IQSEC1: variants seen among roughly 807,000 people sequenced by gnomAD.
IQSEC1 encodes the protein IQ motif and SEC7 domain-containing protein 1.
In IQSEC1, 31 loss-of-function variants were observed where a neutral mutation model predicts 91.0. The observed-to-expected ratio is 0.34, with a 90% CI of 0.26 to 0.46. The LOEUF is 0.46. Among genes scored for constraint, IQSEC1 ranks in the 20% least tolerant of loss-of-function variants. IQSEC1 has a pLI of 1.00. For synonymous variants in IQSEC1, 699 were observed against 662.6 expected (o/e 1.05, Z -0.84); for missense variants, 1,388 against 1,575.6 (o/e 0.88, Z 2.02).
Position 12,958,113 on chromosome 3 carries a change from C to G in IQSEC1, c.24-16248G>C, listed in dbSNP as rs138944026. On this transcript the variant is annotated intron_variant, in intron 1 of 13. Transcript: ENST00000613206. ...TGTTCTTACCTCTGTGGGGCCAGCC[C>G]ACCACCCTATCTAACCATCGAGCTC... Among the ~76,000 whole-genome samples the G allele has an allele frequency of 2.8e-3, 427 of 152,298 alleles. 3 individuals carry two copies. Among genetic ancestry groups the G allele is most frequent in the South Asian group, 0.019 (93 of 4,828 alleles).
chr3:12,902,461 A>ATG (rs1694427916), intron 13 of IQSEC1, among the ~76,000 whole-genome samples: 1 of 151,968 alleles, frequency 6.6e-6, no homozygotes, highest in African/African-American at 2.4e-5. Flanking sequence ...ACCACAGGTG[A>ATG]TGGGGTTAAG....
At chr3:13,033,371 C>G (rs898688681) in intron 1 of IQSEC1, among the ~76,000 whole-genome samples, 2 of 152,198 alleles carry the variant, frequency 1.3e-5, no homozygotes, top group African/African-American at 4.8e-5. Flanking sequence ...CCTCACAGTT[C>G]TGGAGGCTGG....
rs770674225 is a variant in IQSEC1, at chr3:12,941,595, G to A, written c.294C>T (p.Leu98=). 19 of 1,595,908 alleles carry A rather than the reference G, an allele frequency of 1.2e-5. No individual in the cohort carries two copies. Among genetic ancestry groups the A allele is most frequent in the South Asian group, 5.6e-5 (5 of 89,438 alleles). ...CCTGCTTGTCCTGCAGGTCCGAGGA[G>A]AGCTCATAGCTCTCGGAGAGTGAGC... ...RSRSLSESYE[L]SSDLQDKQVE... Residue 98 remains leucine (L), a synonymous_variant, in exon 2 of 14, where the codon CTC becomes CTT. Transcript: ENST00000613206.
intron 2 of IQSEC1, among the ~76,000 whole-genome samples, chr3:13,129,707 G>A (rs892991658): frequency 7.0e-6 from 1 of 142,390 alleles, no homozygotes; most frequent in African/African-American, 2.7e-5. Flanking sequence ...GCCCAGGCTG[G>A]AGTGCAGTGA....
At chr3:13,053,479 T>C (rs1467169052) in intron 1 of IQSEC1, among the ~76,000 whole-genome samples, 1 of 152,254 alleles carries the variant, frequency 6.6e-6, no homozygotes, top group Non-Finnish European at 1.5e-5. Context: ...AAGGCAGCTC[T>C]GAGCTGTCTC....
rs569513375 is a variant in IQSEC1, at chr3:12,900,922, C to T, written c.*61G>A. On this transcript the variant is annotated 3_prime_UTR_variant, in exon 14 of 14. Transcript: ENST00000613206. The stretch of plus-strand genomic sequence containing the variant: ...GGTTTGGTGTGCGGCTGGCGACCCC[C>T]GGGCGTGCCCTGTGTGGTGTGCAGG... 800 of 1,536,828 alleles carry T rather than the reference C, an allele frequency of 5.2e-4. 5 individuals are homozygous for T. The African/African-American group carries it at 9.7e-3, about 19-fold the overall frequency.
chr3:13,104,556 C>T (rs1158599595), intron 2 of IQSEC1, among the ~76,000 whole-genome samples: 2 of 152,164 alleles, frequency 1.3e-5, no homozygotes, highest in Non-Finnish European at 1.5e-5. Context: ...GGAACAGGGA[C>T]CACCTGGGTG....
At position 12,935,992 on chromosome 3, in the gene IQSEC1, C is replaced by G; in HGVS notation, c.1024G>C (p.Asp342His). 2 of 1,599,946 alleles carry G rather than the reference C, an allele frequency of 1.3e-6. No individual in the cohort carries two copies. The highest frequency in any genetic ancestry group is 1.7e-6 in the Non-Finnish European group (2 of 1,179,724). ...LAHKEDKADT[D>H]TSCRSTPSLE... ...GACGGCGTGCTCCGGCAGCTCGTGT[C>G]CGTGTCAGCCTTGTCCTCTTTGTGG... is the stretch of plus-strand genomic sequence containing the variant. Residue 342 changes from aspartate to histidine, a missense_variant, in exon 3 of 14, where the codon GAC becomes CAC. Asp to His is a moderately conservative substitution (Grantham distance 81, BLOSUM62 -1). Around this residue, in one of 2 missense-constraint regions of IQSEC1, gnomAD observed 1,059 missense variants for 1,317.8 expected, o/e 0.80. Coordinates refer to ENST00000613206, the MANE Select transcript of IQSEC1 (RefSeq NM_001134382.3). This position sits in a 1 kb window ranked among gnomAD's most constrained non-coding sequence, Gnocchi z 8.0.
Position 12,936,376 on chromosome 3 carries a change from G to A in IQSEC1, c.640C>T (p.Pro214Ser). 6.3e-7 allele frequency: 1 copy of A among 1,598,658 alleles called. No individual in the cohort carries two copies. The highest frequency in any genetic ancestry group is 8.5e-7 in the Non-Finnish European group (1 of 1,170,140). The change falls in exon 3 of 14, where the codon CCC becomes TCC. Residue 214 changes from proline to serine, a missense_variant. Physicochemically the swap from Pro to Ser is moderately conservative, Grantham distance 74. Around this residue, in one of 2 missense-constraint regions of IQSEC1, gnomAD observed 1,059 missense variants for 1,317.8 expected, o/e 0.80. Transcript: ENST00000613206. ...SEPTTLKSPA[P>S]SSDFADAITE... ...ATGGCGTCCGCAAAGTCACTGGAGGGGGCCGGAGACTTGAGGGTGGTGGGC... is the reference window on the plus strand; with the variant it reads ...ATGGCGTCCGCAAAGTCACTGGAGGAGGCCGGAGACTTGAGGGTGGTGGGC...
intron 1 of IQSEC1, among the ~76,000 whole-genome samples, chr3:13,039,126 G>T (rs969642007): frequency 6.6e-6 from 1 of 152,198 alleles, no homozygotes; most frequent in Non-Finnish European, 1.5e-5. Flanking sequence ...CCCTGAGGTC[G>T]GCTGGGCTCT....
chr3:13,073,082 A>G lies in IQSEC1; in HGVS notation c.-68T>C. ...CGGGGAGGCTCAACGTGTTTCCAAG[A>G]GGAGCAGGCGGCTCAGGCAAGAAGT... On this transcript the variant is annotated 5_prime_UTR_variant, in exon 1 of 14. Coordinates refer to ENST00000613206, the MANE Select transcript of IQSEC1 (RefSeq NM_001134382.3). 6.5e-7 allele frequency: 1 copy of G among 1,540,262 alleles called. No individual in the cohort carries two copies. Among genetic ancestry groups the G allele is most frequent in the Non-Finnish European group, 8.8e-7 (1 of 1,137,964 alleles).
intron 1 of IQSEC1, among the ~76,000 whole-genome samples, chr3:12,953,798 G>C (rs1429910206): frequency 6.6e-6 from 1 of 152,166 alleles, no homozygotes; most frequent in African/African-American, 2.4e-5. Flanking sequence ...TAACATTATG[G>C]GCTAGAGTCC....
At chr3:13,007,330 C>T (rs573434447) in intron 1 of IQSEC1, among the ~76,000 whole-genome samples, 1 of 152,340 alleles carries the variant, frequency 6.6e-6, no homozygotes, top group East Asian at 1.9e-4. Flanking sequence ...ACTGGCCTGT[C>T]GGCCGTTCTA....
At chr3:12,949,720 T>G (rs1699411875) in intron 1 of IQSEC1, among the ~76,000 whole-genome samples, 1 of 150,002 alleles carries the variant, frequency 6.7e-6, no homozygotes. Flanking sequence ...TTCACCTCTA[T>G]GCCCCCGTCT....
At chr3:13,027,855 C>T (rs1221133103) in intron 1 of IQSEC1, among the ~76,000 whole-genome samples, 2 of 152,184 alleles carry the variant, frequency 1.3e-5, no homozygotes, top group Non-Finnish European at 2.9e-5. Flanking sequence ...ATCAGAAATC[C>T]AGGTTTTTAC....
intron 1 of IQSEC1, among the ~76,000 whole-genome samples, chr3:13,239,836 T>C (rs572577604): frequency 6.6e-6 from 1 of 152,292 alleles, no homozygotes; most frequent in African/African-American, 2.4e-5. Context: ...AGCCAGATGC[T>C]TGGAGACCAG....
intron 1 of IQSEC1, among the ~76,000 whole-genome samples, chr3:13,236,150 G>T (rs1694925020): frequency 6.6e-6 from 1 of 152,048 alleles, no homozygotes; most frequent in Non-Finnish European, 1.5e-5. Flanking sequence ...GAAGTTCAAG[G>T]GCAAGAGACT....
chr3:13,062,304 G>A (rs1030549361), intron 1 of IQSEC1, among the ~76,000 whole-genome samples: 2 of 152,124 alleles, frequency 1.3e-5, no homozygotes, highest in Non-Finnish European at 2.9e-5. Context: ...GAAGGGGACA[G>A]GAATAATCTC....
intron 1 of IQSEC1, among the ~76,000 whole-genome samples, chr3:13,260,383 A>T (rs547708715): frequency 6.6e-6 from 1 of 152,188 alleles, no homozygotes; most frequent in Non-Finnish European, 1.5e-5. Context: ...ACGCAGATCA[A>T]TACACGACGG....
Sources: allele counts gnomAD v4.1 joint callset (sites outside exome capture counted in the v4.1 genomes callset), GRCh38; gene constraint gnomAD v4.1.1; regional missense constraint gnomAD v4.1.1; non-coding constraint Gnocchi (gnomAD v3.1); transcripts MANE v1.5; gene names NCBI Gene and HGNC (gene_info 2026-07-23, HGNC 2026-07-21).